BTRC: variants seen among roughly 807,000 people sequenced by gnomAD.
BTRC encodes F-box/WD repeat-containing protein 1A.
Under a neutral mutation model 85.5 loss-of-function variants are expected in BTRC, and 42 were observed. That is an observed-to-expected ratio of 0.49 (90% confidence interval 0.38 to 0.64). BTRC has a LOEUF of 0.64. Among genes scored for constraint, BTRC ranks in the 30% least tolerant of loss-of-function variants. The pLI is 0.00. For missense variants in BTRC, 594 were observed against 743.5 expected, an observed-to-expected ratio of 0.80 and a Z score of 2.34; for synonymous variants, 255 against 263.3, an observed-to-expected ratio of 0.97 and a Z score of 0.30.
intron 1 of BTRC, among the ~76,000 whole-genome samples, chr10:101,414,249 A>C (rs1177043060): frequency 6.6e-6 from 1 of 152,230 alleles, no homozygotes; most frequent in Admixed American, 6.5e-5. Flanking sequence ...CATTTCAGTC[A>C]GTGATGGACT....
chr10:101,442,119 G>T (rs1944697673), intron 2 of BTRC, among the ~76,000 whole-genome samples: 1 of 152,200 alleles, frequency 6.6e-6, no homozygotes, highest in African/African-American at 2.4e-5. Flanking sequence ...TAATGTAGCG[G>T]CATATCAGAG....
At position 101,366,938 on chromosome 10, in the gene BTRC, TTATATATATTTATATATATATTTATATA is replaced by T. The variant is rs1942441497; in HGVS notation, c.48+12711_48+12738del. Among the ~76,000 whole-genome samples, 3 of 29,240 alleles carry T rather than the reference TTATATATATTTATATATATATTTATATA, an allele frequency of 1.0e-4. 1 individual carries two copies. The highest frequency in any genetic ancestry group is 2.7e-4 in the African/African-American group (3 of 11,106). The allele number at this position is 29,240 out of a possible 152,430, so 19.2% of individuals were successfully genotyped here. A position where few individuals can be genotyped will look rare whatever the true frequency, so the allele number is the denominator to read the frequency against. On this transcript the variant is annotated intron_variant, in intron 1 of 14. Transcript: ENST00000370187. ...TATATTTATATATATTTATATATAT[TTATATATATTTATATATATATTTATATA>T]AATATATATTTATATATTTATATAT...
At chr10:101,505,009 T>G (rs1946483166) in intron 4 of BTRC, among the ~76,000 whole-genome samples, 2 of 147,400 alleles carry the variant, frequency 1.4e-5, no homozygotes, top group East Asian at 4.1e-4. Flanking sequence ...TGGTACAATC[T>G]CAGCTCACTG....
chr10:101,419,897 C>G (rs1944051830), intron 1 of BTRC, among the ~76,000 whole-genome samples: 1 of 152,158 alleles, frequency 6.6e-6, no homozygotes. Flanking sequence ...CCAAGCTCCT[C>G]TTAAACTTTC....
rs45596639 is a variant in BTRC, at chr10:101,532,793, C to T, written c.979-159C>T. ...GTGTGTGTGTGTGTGTGTGTGTGCGCGTGTGCGCGCGCGCGCGCTTAGCTA... is the reference window on the plus strand; with the variant it reads ...GTGTGTGTGTGTGTGTGTGTGTGCGTGTGTGCGCGCGCGCGCGCTTAGCTA... On this transcript the variant is annotated intron_variant, in intron 8 of 14. Transcript: ENST00000370187. Among the ~76,000 whole-genome samples, 97 of 50,528 alleles carry T rather than the reference C, an allele frequency of 1.9e-3. 1 individual carries two copies. The highest frequency in any genetic ancestry group is 0.012 in the Admixed American group (61 of 5,222). 33.1% of individuals were successfully genotyped at this position (50,528 alleles called of 152,430 possible). A position where few individuals can be genotyped will look rare whatever the true frequency, so the allele number is the denominator to read the frequency against.
At position 101,554,887 on chromosome 10, in the gene BTRC, A is replaced by C. The variant is rs1336243911; in HGVS notation, c.*1764A>C. On this transcript the variant is annotated 3_prime_UTR_variant, in exon 15 of 15. Transcript: ENST00000370187. The stretch of plus-strand genomic sequence containing the variant: ...CCTCTTCCCAAGGTGTACCCACTGA[A>C]TGTTGTTACTACATATTGAGAGTCA... The C allele has an allele frequency of 6.6e-6, 1 of 152,188 alleles. No individual in the cohort carries two copies. Among genetic ancestry groups the C allele is most frequent in the East Asian group, 1.9e-4 (1 of 5,194 alleles). The allele number at this position is 152,188 out of a possible 1,614,324, so 9.4% of individuals were successfully genotyped here. A position where few individuals can be genotyped will look rare whatever the true frequency, so the allele number is the denominator to read the frequency against.
intron 1 of BTRC, among the ~76,000 whole-genome samples, chr10:101,421,782 C>T (rs887968009): frequency 1.3e-5 from 2 of 151,756 alleles, no homozygotes; most frequent in African/African-American, 4.8e-5. Flanking sequence ...TCATCCATGT[C>T]CCTACAAAGG....
In BTRC at chr10:101,387,687, C is replaced by T. The variant is rs112264573; in HGVS notation, c.48+33459C>T. Reference sequence around the variant, plus strand: ...GATTACAGGTGCCCACCACCACACCCGGCTGATTTTTTTTTTTCTTGAGAC... The same window carrying T: ...GATTACAGGTGCCCACCACCACACCTGGCTGATTTTTTTTTTTCTTGAGAC... On this transcript the variant is annotated intron_variant, in intron 1 of 14. Transcript: ENST00000370187. 4.8e-3 allele frequency among the ~76,000 whole-genome samples: 728 copies of T among 150,894 alleles called. 8 individuals are homozygous for T. The highest frequency in any genetic ancestry group is 0.017 in the African/African-American group (681 of 40,984).
intron 4 of BTRC, among the ~76,000 whole-genome samples, chr10:101,485,669 C>T (rs1346672982): frequency 6.6e-6 from 1 of 152,074 alleles, no homozygotes; most frequent in Non-Finnish European, 1.5e-5. Context: ...TAAATAGCAG[C>T]GGTTCAGCTG....
At chr10:101,521,578 T>C in intron 4 of BTRC, 61 bp from the exon 5 acceptor site, 1 of 1,214,302 alleles carries the variant, frequency 8.2e-7, no homozygotes, top group Non-Finnish European at 1.2e-6. Context: ...CAGAAAATCA[T>C]ATATATTTCC....
intron 2 of BTRC, among the ~76,000 whole-genome samples, chr10:101,455,304 G>GTC (rs747515914): frequency 1.3e-5 from 2 of 150,386 alleles, no homozygotes; most frequent in Admixed American, 6.6e-5. Context: ...CAATCCTCCT[G>GTC]TCTCTACCTC....
intron 1 of BTRC, among the ~76,000 whole-genome samples, chr10:101,420,953 C>T (rs1424015278): frequency 4.0e-5 from 6 of 150,860 alleles, no homozygotes; most frequent in African/African-American, 1.5e-4. Flanking sequence ...TCTCTGTAAT[C>T]GCTACAGGTT....
At chr10:101,368,437 T>G (rs1048113179) in intron 1 of BTRC, among the ~76,000 whole-genome samples, 2 of 149,786 alleles carry the variant, frequency 1.3e-5, no homozygotes, top group African/African-American at 4.9e-5. Flanking sequence ...ACTAAGACAC[T>G]TTAGTAGAAC....
At chr10:101,435,470 CTG>C (rs968311913) in intron 2 of BTRC, among the ~76,000 whole-genome samples, 3 of 152,066 alleles carry the variant, frequency 2.0e-5, no homozygotes, top group African/African-American at 7.2e-5. Flanking sequence ...TTCTTTGTGT[CTG>C]TTTTCTTTCA....
At chr10:101,464,579 C>T (rs981260086) in intron 3 of BTRC, among the ~76,000 whole-genome samples, 16 of 115,636 alleles carry the variant, frequency 1.4e-4, no homozygotes, top group Non-Finnish European at 1.6e-5. Context: ...TTTCTAATAT[C>T]TGTCATTCAG....
At chr10:101,488,880 G>A (rs943403111) in intron 4 of BTRC, among the ~76,000 whole-genome samples, 2 of 152,036 alleles carry the variant, frequency 1.3e-5, no homozygotes, top group East Asian at 3.8e-4. Flanking sequence ...TAGGTATGAG[G>A]TGATCTTTTC....
At chr10:101,476,442 G>A (rs1270201352) in intron 3 of BTRC, among the ~76,000 whole-genome samples, 1 of 152,152 alleles carries the variant, frequency 6.6e-6, no homozygotes, top group Admixed American at 6.5e-5. Context: ...GAAGCTGGGT[G>A]ACAAGTATAT....
intron 2 of BTRC, among the ~76,000 whole-genome samples, chr10:101,446,592 G>T (rs80100147): frequency 4.6e-5 from 7 of 152,274 alleles, no homozygotes; most frequent in South Asian, 2.1e-4. Flanking sequence ...TTGATGCTGT[G>T]TATATTTCAT....
chr10:101,430,982 C>A (rs539435138), intron 2 of BTRC, among the ~76,000 whole-genome samples: 10 of 151,324 alleles, frequency 6.6e-5, no homozygotes, highest in Admixed American at 5.9e-4. Context: ...GGTGGAAAAA[C>A]CTTTGAGACC....
Sources: gnomAD v4.1 joint callset for allele counts (sites outside exome capture counted in the v4.1 genomes callset) on GRCh38, gnomAD v4.1.1 for gene constraint, MANE v1.5 for transcripts, NCBI Gene and HGNC (gene_info 2026-07-23, HGNC 2026-07-21) for gene names.